RFTN1: variants seen among roughly 807,000 people sequenced by gnomAD.
RFTN1 encodes raftlin, lipid raft linker 1, also known as raftlin.
RFTN1 carries 26 observed loss-of-function variants against 46.5 expected under a neutral mutation model. The ratio of observed to expected loss-of-function variants is 0.56; its 90% CI spans 0.41 to 0.78. The LOEUF is 0.78. Among genes scored for constraint, RFTN1 ranks in the 30% least tolerant of loss-of-function variants. The probability of loss-of-function intolerance (pLI) is 0.00; values close to 1 mark genes in which losing one functional copy is unlikely to be tolerated. For missense variants in RFTN1, 693 were observed against 718.7 expected, an observed-to-expected ratio of 0.96 and a Z score of 0.41; for synonymous variants, 261 against 284.2, an observed-to-expected ratio of 0.92 and a Z score of 0.82.
At chr3:16,355,006 A>G (rs889483157) in intron 7 of RFTN1, among the ~76,000 whole-genome samples, 1 of 152,046 alleles carries the variant, frequency 6.6e-6, no homozygotes, top group African/African-American at 2.4e-5. Context: ...TCCATCTAAG[A>G]CCTCATCAGA....
rs182784903 is a variant in RFTN1, at chr3:16,336,625, T to A, written c.1147-9749A>T. The stretch of plus-strand genomic sequence containing the variant: ...AGTCTGAGAGAGCAGTCTTCTCATT[T>A]TAGACAACTTAGGCTTTCATAATGT... On this transcript the variant is annotated intron_variant, in intron 7 of 9. Coordinates refer to ENST00000334133, the MANE Select transcript of RFTN1 (RefSeq NM_015150.2). The surrounding 1 kb of genome is among the most constrained non-coding windows in gnomAD (Gnocchi z 6.0). Among the ~76,000 whole-genome samples the A allele has an allele frequency of 6.6e-6, 1 of 152,244 alleles. No individual in the cohort carries two copies. Among genetic ancestry groups the A allele is most frequent in the Admixed American group, 6.5e-5 (1 of 15,288 alleles).
intron 4 of RFTN1, among the ~76,000 whole-genome samples, chr3:16,406,041 A>G (rs546220788): frequency 1.1e-3 from 160 of 152,290 alleles, no homozygotes; most frequent in African/African-American, 3.5e-3. Context: ...GAAAAAAACC[A>G]CAAATGGTTT....
At chr3:16,441,049 T>C (rs1162490532) in intron 2 of RFTN1, among the ~76,000 whole-genome samples, 1 of 152,162 alleles carries the variant, frequency 6.6e-6, no homozygotes, top group African/African-American at 2.4e-5. Flanking sequence ...ATTCCTCTTT[T>C]TTCTATATTG....
At chr3:16,359,049 A>AAAT (rs2072662185) in intron 6 of RFTN1, among the ~76,000 whole-genome samples, 2 of 147,068 alleles carry the variant, frequency 1.4e-5, no homozygotes, top group Admixed American at 6.8e-5. Flanking sequence ...AAAAAAAAAA[A>AAAT]AAAGAAATAC....
intron 2 of RFTN1, among the ~76,000 whole-genome samples, chr3:16,437,864 G>A (rs2075546765): frequency 7.9e-6 from 1 of 126,398 alleles, no homozygotes; most frequent in Non-Finnish European, 1.7e-5. Context: ...TCGACCTTAT[G>A]GAAACCAGGG....
At position 16,321,512 on chromosome 3, in the gene RFTN1, G is replaced by A. The variant is rs370553743; in HGVS notation, c.1332+1864C>T. On this transcript the variant is annotated intron_variant, in intron 9 of 9. Transcript: ENST00000334133. The surrounding 1 kb of genome is among the most constrained non-coding windows in gnomAD (Gnocchi z 4.8). ...GGACACAGGCCTGTGGGAGTAGGAC[G>A]CTGACCCTTGTCAGCTGAGGAGTGA... is the stretch of plus-strand genomic sequence containing the variant. Among the ~76,000 whole-genome samples, 4 of 152,252 alleles carry A rather than the reference G, an allele frequency of 2.6e-5. No homozygotes were observed. The highest frequency in any genetic ancestry group is 3.9e-4 in the East Asian group (2 of 5,178).
intron 8 of RFTN1, among the ~76,000 whole-genome samples, chr3:16,324,612 G>GGCCCC (rs1270315325): frequency 1.4e-5 from 1 of 71,084 alleles, no homozygotes; most frequent in African/African-American, 6.1e-5. Flanking sequence ...GAATGTCCCT[G>GGCCCC]ACCCCCCCCC....
In RFTN1 at chr3:16,341,839, T is replaced by C. The variant is rs550943666; in HGVS notation, c.1147-14963A>G. Among the ~76,000 whole-genome samples, 59 of 152,248 alleles carry C rather than the reference T, an allele frequency of 3.9e-4. No individual in the cohort carries two copies. Among genetic ancestry groups the C allele is most frequent in the Admixed American group, 2.4e-3 (36 of 15,286 alleles). ...GCATACAGTTACATACAAAAATGTA[T>C]AACAGTTTGAAGAGTATGATACCAT... On this transcript the variant is annotated intron_variant, in intron 7 of 9. Coordinates refer to ENST00000334133, the MANE Select transcript of RFTN1 (RefSeq NM_015150.2). This position sits in a 1 kb window ranked among gnomAD's most constrained non-coding sequence, Gnocchi z 4.7.
chr3:16,486,614 C>G (rs1297124753), intron 2 of RFTN1, among the ~76,000 whole-genome samples: 1 of 152,222 alleles, frequency 6.6e-6, no homozygotes, highest in Non-Finnish European at 1.5e-5. Flanking sequence ...TTGCATAAAA[C>G]TCCAAATCCA....
At position 16,473,273 on chromosome 3, in the gene RFTN1, G is replaced by A. The variant is rs567713034; in HGVS notation, c.145+20452C>T. ...ATGATACCAGGTGACTGGGTGTGCTGTGGGGTGCCAAATGTCCACATATTG... is the reference window on the plus strand; with the variant it reads ...ATGATACCAGGTGACTGGGTGTGCTATGGGGTGCCAAATGTCCACATATTG... On this transcript the variant is annotated intron_variant, in intron 2 of 9. Transcript: ENST00000334133. The surrounding 1 kb of genome is among the most constrained non-coding windows in gnomAD (Gnocchi z 5.3). Among the ~76,000 whole-genome samples, 69 of 150,822 alleles carry A rather than the reference G, an allele frequency of 4.6e-4. No individual in the cohort carries two copies. Among genetic ancestry groups the A allele is most frequent in the African/African-American group, 1.5e-3 (63 of 41,510 alleles).
rs2074873998 is a variant in RFTN1, at chr3:16,407,023, G to T, written c.441+2352C>A. 6.6e-6 allele frequency among the ~76,000 whole-genome samples: 1 copy of T among 152,150 alleles called. No individual in the cohort carries two copies. Among genetic ancestry groups the T allele is most frequent in the Non-Finnish European group, 1.5e-5 (1 of 68,022 alleles). ...CCTAACTTTGAGGGCCTTTCCCACT[G>T]GACAGATGGACATCTCCACTTGGGT... On this transcript the variant is annotated intron_variant, in intron 4 of 9. Transcript: ENST00000334133. The surrounding 1 kb of genome is among the most constrained non-coding windows in gnomAD (Gnocchi z 4.0).
rs1021663832 is a variant in RFTN1, at chr3:16,507,396, G to A, written c.-9+6046C>T. Reference sequence around the variant, plus strand: ...TTAAATAAACAACCTGATTTCTTGTGCTTTATATTTCCAAAATTTGCTAAT... The same window carrying A: ...TTAAATAAACAACCTGATTTCTTGTACTTTATATTTCCAAAATTTGCTAAT... On this transcript the variant is annotated intron_variant, in intron 1 of 9. Transcript: ENST00000334133. The surrounding 1 kb of genome is among the most constrained non-coding windows in gnomAD (Gnocchi z 7.1). Among the ~76,000 whole-genome samples, 3 of 152,106 alleles carry A rather than the reference G, an allele frequency of 2.0e-5. No individual in the cohort carries two copies. The highest frequency in any genetic ancestry group is 4.4e-5 in the Non-Finnish European group (3 of 68,022).
In RFTN1 at chr3:16,433,770, C is replaced by A. The variant is rs1309530186; in HGVS notation, c.332+81G>T. ...CAGCATGCAAATTTCAACCCCCAACCCCATCCTCTCACTTCCCCTCCTCTA... is the reference window on the plus strand; with the variant it reads ...CAGCATGCAAATTTCAACCCCCAACACCATCCTCTCACTTCCCCTCCTCTA... On this transcript the variant is annotated intron_variant, in intron 3 of 9. Transcript: ENST00000334133. The surrounding 1 kb of genome is among the most constrained non-coding windows in gnomAD (Gnocchi z 4.4). 6.8e-7 allele frequency: 1 copy of A among 1,461,788 alleles called. No individual in the cohort carries two copies. Among genetic ancestry groups the A allele is most frequent in the Non-Finnish European group, 9.6e-7 (1 of 1,044,020 alleles). 90.6% of individuals were successfully genotyped at this position (1,461,788 alleles called of 1,614,324 possible). A position where few individuals can be genotyped will look rare whatever the true frequency, so the allele number is the denominator to read the frequency against.
chr3:16,395,761 T>G (rs13062819), intron 4 of RFTN1, among the ~76,000 whole-genome samples: 25,341 of 152,214 alleles, frequency 0.17, 2,389 homozygotes, highest in East Asian at 0.3. Flanking sequence ...CAACTTTACT[T>G]TGTAGAATAT....
At chr3:16,416,429 A>T (rs1458204240) in intron 3 of RFTN1, among the ~76,000 whole-genome samples, 2 of 152,252 alleles carry the variant, frequency 1.3e-5, no homozygotes, top group Non-Finnish European at 2.9e-5. Flanking sequence ...GAAAAAGGAC[A>T]TTAATAGAAA....
Position 16,381,892 on chromosome 3 carries a change from C to G in RFTN1, c.442-3790G>C, listed in dbSNP as rs1234406627. Among the ~76,000 whole-genome samples the G allele has an allele frequency of 6.6e-6, 1 of 152,184 alleles. No homozygotes were observed. The highest frequency in any genetic ancestry group is 1.5e-5 in the Non-Finnish European group (1 of 68,040). The stretch of plus-strand genomic sequence containing the variant: ...TCACCCTGCAGGCCAGCATATCCGA[C>G]TCTCCCACCACAGTCATAACCTCAA... On this transcript the variant is annotated intron_variant, in intron 4 of 9. Transcript: ENST00000334133. The surrounding 1 kb of genome is among the most constrained non-coding windows in gnomAD (Gnocchi z 4.2).
rs1038612298 is a variant in RFTN1 at position 16,336,241 on chromosome 3, A to C, written c.1147-9365T>G. 6.6e-6 allele frequency among the ~76,000 whole-genome samples: 1 copy of C among 152,222 alleles called. No homozygotes were observed. Among genetic ancestry groups the C allele is most frequent in the Non-Finnish European group, 1.5e-5 (1 of 68,030 alleles). On this transcript the variant is annotated intron_variant, in intron 7 of 9. Coordinates refer to ENST00000334133, the MANE Select transcript of RFTN1 (RefSeq NM_015150.2). This position sits in a 1 kb window ranked among gnomAD's most constrained non-coding sequence, Gnocchi z 6.0. ...AGGGCTATGCCTGGTATCACTGTTC[A>C]TTCATGAATCTCACATTCAGTCAGC...
chr3:16,430,658 T>TA (rs1247846368), intron 3 of RFTN1, among the ~76,000 whole-genome samples: 1 of 152,174 alleles, frequency 6.6e-6, no homozygotes, highest in Non-Finnish European at 1.5e-5. Flanking sequence ...TGCATTTTTT[T>TA]AAAAAAGGCA....
At chr3:16,324,480 G>A (rs1317509428) in intron 8 of RFTN1, among the ~76,000 whole-genome samples, 5 of 151,918 alleles carry the variant, frequency 3.3e-5, no homozygotes, top group Non-Finnish European at 7.4e-5. Flanking sequence ...TCTACTCTCT[G>A]CTTCTATGAC....
Sources: allele counts gnomAD v4.1 joint callset (sites outside exome capture counted in the v4.1 genomes callset), GRCh38; gene constraint gnomAD v4.1.1; non-coding constraint Gnocchi (gnomAD v3.1); transcripts MANE v1.5; gene names NCBI Gene and HGNC (gene_info 2026-07-23, HGNC 2026-07-21).